WWC2: variants seen among roughly 807,000 people sequenced by gnomAD.
The protein encoded by WWC2 is protein WWC2.
A neutral mutation model predicts 138.5 loss-of-function variants in WWC2; 101 were observed. The ratio of observed to expected loss-of-function variants is 0.73; its 90% CI spans 0.62 to 0.86. The LOEUF (loss-of-function observed/expected upper bound fraction) is 0.86. Ranked by LOEUF, WWC2 falls within the 40% of genes least tolerant of loss-of-function variation. The pLI is 0.00. For missense variants in WWC2, 1,420 were observed against 1,419.4 expected, an observed-to-expected ratio of 1.00 and a Z score of -0.01; for synonymous variants, 558 against 538.4, an observed-to-expected ratio of 1.04 and a Z score of -0.50.
At chr4:183,123,570 G>A (rs1732671323) in intron 1 of WWC2, among the ~76,000 whole-genome samples, 2 of 152,146 alleles carry the variant, frequency 1.3e-5, no homozygotes, top group Admixed American at 1.3e-4. Flanking sequence ...GGAAGGAAGA[G>A]TGTAAGGGGG....
chr4:183,285,621 A>G lies in WWC2; in HGVS notation c.3049-346A>G, dbSNP rs574280236. ...CTAAAAATAGAAAAATTAGCTGGGC[A>G]TGGTGGCGTGCGCCTGTAATCCGAG... On this transcript the variant is annotated intron_variant, in intron 19 of 22. Coordinates refer to ENST00000403733, the MANE Select transcript of WWC2 (RefSeq NM_024949.6). Among the ~76,000 whole-genome samples the G allele has an allele frequency of 2.5e-3, 384 of 152,244 alleles. 3 individuals carry two copies. Among genetic ancestry groups the G allele is most frequent in the African/African-American group, 8.9e-3 (369 of 41,552 alleles).
At chr4:183,256,918 CCCCACAGGGCTGCAGTGTCG>C (rs1326002866) in intron 9 of WWC2, among the ~76,000 whole-genome samples, 2 of 144,216 alleles carry the variant, frequency 1.4e-5, no homozygotes, top group African/African-American at 2.6e-5. Context: ...CTGTTCCTGC[CCCCACAGGGCTGCAGTGTCG>C]CCCACTGGGC....
chr4:183,248,766 C>G lies in WWC2; in HGVS notation c.785C>G (p.Ser262Cys). ...RFHLDQNIGR[S>C]EPDLRCSPVN... ...CATTTGGATCAGAACATTGGCAGAT[C>G]TGAGCCAGATTTGAGATGTAGTCCT... The change falls in exon 7 of 23, where the codon TCT becomes TGT. Residue 262 changes from serine to cysteine, a missense_variant. Coordinates refer to ENST00000403733, the MANE Select transcript of WWC2 (RefSeq NM_024949.6). The G allele has an allele frequency of 6.2e-7, 1 of 1,604,276 alleles. No homozygotes were observed. The highest frequency in any genetic ancestry group is 8.5e-7 in the Non-Finnish European group (1 of 1,175,012).
rs188775090 is a variant in WWC2 at position 183,281,098 on chromosome 4, A to T, written c.2684+201A>T. 9.7e-6 allele frequency: 6 copies of T among 617,910 alleles called. No homozygotes were observed. In the Admixed American group the frequency reaches 1.5e-4, roughly 16 times the overall value. The allele number at this position is 617,910 out of a possible 1,614,324, so 38.3% of individuals were successfully genotyped here. The stretch of plus-strand genomic sequence containing the variant: ...GCAAGATTATGGGCAAAGTTAAAAC[A>T]TTAGCCAGATTCTTTGTTCTTGTTT... On this transcript the variant is annotated intron_variant, in intron 17 of 22. Coordinates refer to ENST00000403733, the MANE Select transcript of WWC2 (RefSeq NM_024949.6).
chr4:183,284,480 A>AC (rs1738182230), intron 19 of WWC2, 90 bp downstream of exon 19: 1 of 1,437,972 alleles, frequency 7.0e-7, no homozygotes, highest in Admixed American at 2.0e-5. Flanking sequence ...GAGACTGTGC[A>AC]CTGGGAGTCC....
chr4:183,121,224 CATT>C (rs1424835860), intron 1 of WWC2, among the ~76,000 whole-genome samples: 1 of 150,128 alleles, frequency 6.7e-6, no homozygotes, highest in Non-Finnish European at 1.5e-5. Context: ...AAAAAAGTAA[CATT>C]GTGGAGGAAA....
intron 21 of WWC2, among the ~76,000 whole-genome samples, chr4:183,304,842 G>T (rs1259254756): frequency 6.6e-6 from 1 of 152,156 alleles, no homozygotes; most frequent in Admixed American, 6.5e-5. Flanking sequence ...TATTACGTCT[G>T]GGTTTGAACT....
intron 1 of WWC2, among the ~76,000 whole-genome samples, chr4:183,099,955 G>A (rs1445475449): frequency 6.6e-6 from 1 of 152,224 alleles, no homozygotes; most frequent in Non-Finnish European, 1.5e-5. Flanking sequence ...CCACGTGGAG[G>A]CTGCAGGACA....
At chr4:183,145,267 A>C (rs1025485160) in intron 1 of WWC2, among the ~76,000 whole-genome samples, 1 of 152,224 alleles carries the variant, frequency 6.6e-6, no homozygotes, top group African/African-American at 2.4e-5. Flanking sequence ...TAGTAAGTGA[A>C]TATAAATGGC....
intron 11 of WWC2, 105 bp from the exon 12 acceptor site, chr4:183,264,873 G>A (rs1284477180): frequency 8.3e-7 from 1 of 1,206,578 alleles, no homozygotes; most frequent in East Asian, 2.9e-5. Flanking sequence ...ACTCCCAGAA[G>A]GAAATCTTAT....
intron 1 of WWC2, among the ~76,000 whole-genome samples, chr4:183,112,112 A>G (rs1732256961): frequency 6.6e-6 from 1 of 152,226 alleles, no homozygotes; most frequent in African/African-American, 2.4e-5. Flanking sequence ...ACTTGGCAGA[A>G]TGTTTAACAT....
chr4:183,108,651 C>T (rs1294570713), intron 1 of WWC2, among the ~76,000 whole-genome samples: 7 of 151,972 alleles, frequency 4.6e-5, no homozygotes, highest in Admixed American at 4.6e-4. Flanking sequence ...CACTCTTTCA[C>T]CCAGGCTGGA....
At chr4:183,234,532 CT>C (rs1736354867) in intron 4 of WWC2, among the ~76,000 whole-genome samples, 2 of 152,008 alleles carry the variant, frequency 1.3e-5, no homozygotes, top group Non-Finnish European at 2.9e-5. Flanking sequence ...TCTAATTTGT[CT>C]TTCTTTTTAC....
At chr4:183,257,298 T>C (rs972606069) in intron 9 of WWC2, among the ~76,000 whole-genome samples, 3 of 152,168 alleles carry the variant, frequency 2.0e-5, no homozygotes, top group Non-Finnish European at 2.9e-5. Context: ...TCACTTAGTT[T>C]TGAGTGGAAA....
At chr4:183,255,427 A>G (rs923772672) in intron 9 of WWC2, among the ~76,000 whole-genome samples, 7 of 152,202 alleles carry the variant, frequency 4.6e-5, no homozygotes, top group African/African-American at 1.7e-4. Flanking sequence ...TTGTATACCT[A>G]AAGTTTCTAG....
At chr4:183,165,163 A>G (rs1734097383) in intron 1 of WWC2, among the ~76,000 whole-genome samples, 2 of 152,168 alleles carry the variant, frequency 1.3e-5, no homozygotes, top group Non-Finnish European at 2.9e-5. Context: ...GTTTGAGGGT[A>G]GGACAGGGAG....
intron 21 of WWC2, among the ~76,000 whole-genome samples, chr4:183,298,069 G>A (rs1738699199): frequency 6.6e-6 from 1 of 152,204 alleles, no homozygotes; most frequent in Non-Finnish European, 1.5e-5. Flanking sequence ...AGGTCAAGAG[G>A]ATTTGAGCTG....
intron 21 of WWC2, among the ~76,000 whole-genome samples, chr4:183,308,741 A>G (rs1176388478): frequency 6.6e-6 from 1 of 152,200 alleles, no homozygotes; most frequent in Non-Finnish European, 1.5e-5. Context: ...TACTATGTAA[A>G]TAATTGTTAT....
intron 1 of WWC2, among the ~76,000 whole-genome samples, chr4:183,139,467 A>G (rs1430785414): frequency 1.3e-5 from 2 of 152,098 alleles, no homozygotes; most frequent in African/African-American, 4.8e-5. Flanking sequence ...TTTCTTTTCC[A>G]TCTCAGTAAA....
Sources: gnomAD v4.1 joint callset for allele counts (sites outside exome capture counted in the v4.1 genomes callset) on GRCh38, gnomAD v4.1.1 for gene constraint, MANE v1.5 for transcripts, NCBI Gene and HGNC (gene_info 2026-07-23, HGNC 2026-07-21) for gene names.